KIAA0825: variants seen among roughly 807,000 people sequenced by gnomAD.
KIAA0825 encodes the protein KIAA0825, also known as uncharacterized protein KIAA0825.
In KIAA0825, 119 loss-of-function variants were observed where a neutral mutation model predicts 147.6. The ratio of observed to expected loss-of-function variants is 0.81; its 90% confidence interval spans 0.69 to 0.94. The LOEUF (loss-of-function observed/expected upper bound fraction) is 0.94, where lower values mean the gene tolerates loss of function less well. Among genes scored for constraint, KIAA0825 ranks in the 40% least tolerant of loss-of-function variants. The pLI is 0.00. For synonymous variants in KIAA0825, 470 were observed against 518.1 expected (o/e 0.91, Z 1.26); for missense variants, 1,381 against 1,472.7 (o/e 0.94, Z 1.02).
In KIAA0825 at chr5:94,520,242, A is replaced by T. The variant is rs1330893043; in HGVS notation, c.970+6T>A. 1 of 1,573,566 alleles carries T rather than the reference A, an allele frequency of 6.4e-7. No individual in the cohort carries two copies. The highest frequency in any genetic ancestry group is 2.0e-5 in the Admixed American group (1 of 50,784). ...AAACCAAACAAAAATTTTAAATGTC[A>T]CTAACCCAAAGCATGCACTGCTCCT... On this transcript the variant is annotated splice_donor_region_variant and intron_variant, in intron 5 of 20. Coordinates refer to ENST00000682413, the MANE Select transcript of KIAA0825 (RefSeq NM_001145678.3).
chr5:94,327,623 T>C (rs1304416902), intron 20 of KIAA0825, among the ~76,000 whole-genome samples: 5 of 152,232 alleles, frequency 3.3e-5, no homozygotes, highest in Non-Finnish European at 7.3e-5. Context: ...GTTGGTTCCC[T>C]GTTTTCAACC....
intron 13 of KIAA0825, among the ~76,000 whole-genome samples, chr5:94,446,405 T>G (rs540379719): frequency 1.3e-5 from 2 of 152,204 alleles, no homozygotes; most frequent in East Asian, 3.9e-4. Context: ...CTATTAGAAG[T>G]TGTAGTAAAA....
At chr5:94,554,610 T>G (rs1205304683) in intron 2 of KIAA0825, among the ~76,000 whole-genome samples, 5 of 150,728 alleles carry the variant, frequency 3.3e-5, no homozygotes, top group Non-Finnish European at 7.4e-5. Context: ...TTCAGTGATC[T>G]CATTCATTGA....
intron 5 of KIAA0825, chr5:94,519,353 G>T (rs1015342195): frequency 1.1e-6 from 1 of 894,142 alleles, no homozygotes; most frequent in African/African-American, 1.8e-5. Context: ...TATAGTTTAT[G>T]AACTTATTCA....
intron 1 of KIAA0825, chr5:94,615,628 C>T (rs1790241894): frequency 6.6e-6 from 1 of 152,202 alleles, no homozygotes; most frequent in African/African-American, 2.4e-5. Context: ...CTCTCATCTC[C>T]TGTCTCACAG....
chr5:94,188,755 GGA>G, intron 20 of KIAA0825, among the ~76,000 whole-genome samples: 1 of 152,182 alleles, frequency 6.6e-6, no homozygotes, highest in East Asian at 1.9e-4. Context: ...ATCTTTGCAT[GGA>G]CATGTATTTT....
At chr5:94,576,502 G>A (rs73132669) in intron 2 of KIAA0825, among the ~76,000 whole-genome samples, 9 of 151,972 alleles carry the variant, frequency 5.9e-5, no homozygotes, top group South Asian at 2.1e-4. Context: ...GCTCAGCCAC[G>A]TCACCATGTG....
intron 2 of KIAA0825, among the ~76,000 whole-genome samples, chr5:94,572,356 T>C (rs1396311767): frequency 6.6e-6 from 1 of 152,174 alleles, no homozygotes; most frequent in Admixed American, 6.6e-5. Context: ...TTGAAAAATA[T>C]GTTTTACCTT....
intron 20 of KIAA0825, among the ~76,000 whole-genome samples, chr5:94,216,269 T>G (rs1180265922): frequency 2.0e-5 from 3 of 152,130 alleles, no homozygotes; most frequent in African/African-American, 4.8e-5. Flanking sequence ...TAAAGCAGTG[T>G]TCAAGGAAGA....
At chr5:94,558,578 A>G (rs1359896123) in intron 2 of KIAA0825, among the ~76,000 whole-genome samples, 2 of 152,224 alleles carry the variant, frequency 1.3e-5, no homozygotes, top group Non-Finnish European at 2.9e-5. Flanking sequence ...TGTTAAATTA[A>G]TAAATATTTT....
chr5:94,344,042 T>C (rs1322834908), intron 20 of KIAA0825, among the ~76,000 whole-genome samples: 1 of 152,124 alleles, frequency 6.6e-6, no homozygotes, highest in Non-Finnish European at 1.5e-5. Flanking sequence ...CTTTGGAAAA[T>C]AGCTTGGCAC....
intron 6 of KIAA0825, among the ~76,000 whole-genome samples, chr5:94,480,234 A>G (rs1175143434): frequency 6.6e-6 from 1 of 152,108 alleles, no homozygotes; most frequent in East Asian, 1.9e-4. Context: ...ACATGCACCA[A>G]TGGAAAACTA....
chr5:94,269,926 AG>A (rs1472998065), intron 20 of KIAA0825, among the ~76,000 whole-genome samples: 3 of 152,104 alleles, frequency 2.0e-5, no homozygotes, highest in Non-Finnish European at 4.4e-5. Context: ...GAAAAAAAGA[AG>A]ACCCAAATAA....
In KIAA0825 at chr5:94,477,170, C is replaced by T; in HGVS notation, c.1168G>A (p.Glu390Lys). The change falls in exon 7 of 21, where the codon GAA becomes AAA. Residue 390 changes from glutamate to lysine, a missense_variant. By Grantham distance (56) the Glu-to-Lys change is moderately conservative (BLOSUM62 1). Transcript: ENST00000682413. ...TTGGTTTCGTTTGCTCTAGGTTTTT[C>T]CATTACAACCTCTCTATCGGATTTC... ...LEKSDREVVM[E>K]KPRANETNIP... The T allele has an allele frequency of 6.5e-7, 1 of 1,549,978 alleles. No individual in the cohort carries two copies. Among genetic ancestry groups the T allele is most frequent in the East Asian group, 2.5e-5 (1 of 40,788 alleles).
chr5:94,359,608 A>G (rs1013860903), intron 20 of KIAA0825, among the ~76,000 whole-genome samples: 1 of 152,194 alleles, frequency 6.6e-6, no homozygotes, highest in African/African-American at 2.4e-5. Context: ...AAATAAAAAT[A>G]AAATAAATAA....
At chr5:94,455,712 A>G (rs916871852) in intron 12 of KIAA0825, among the ~76,000 whole-genome samples, 1 of 152,138 alleles carries the variant, frequency 6.6e-6, no homozygotes, top group African/African-American at 2.4e-5. Flanking sequence ...GAGTGGAGAG[A>G]AGAATAATTA....
At chr5:94,518,130 G>GAC (rs1767554903) in intron 5 of KIAA0825, among the ~76,000 whole-genome samples, 1 of 152,128 alleles carries the variant, frequency 6.6e-6, no homozygotes. Context: ...TGAGCATAAA[G>GAC]ATACAGACAT....
chr5:94,386,821 A>G (rs541776921), intron 18 of KIAA0825, among the ~76,000 whole-genome samples: 2 of 152,324 alleles, frequency 1.3e-5, no homozygotes, highest in African/African-American at 4.8e-5. Context: ...CTCCTGGCTC[A>G]GCAGAGCACT....
chr5:94,466,598 G>A lies in KIAA0825; in HGVS notation c.1873-1539C>T, dbSNP rs143816713. Among the ~76,000 whole-genome samples the A allele has an allele frequency of 4.5e-3, 684 of 151,860 alleles. 5 individuals carry two copies. Among genetic ancestry groups the A allele is most frequent in the African/African-American group, 0.016 (652 of 41,440 alleles). ...CTAAAAATACAAAAATTAGCTGGGC[G>A]TGGTGGCAGGCGCCTGTAGTCCCAG... On this transcript the variant is annotated intron_variant, in intron 10 of 20. Coordinates refer to ENST00000682413, the MANE Select transcript of KIAA0825 (RefSeq NM_001145678.3).
Sources: gnomAD v4.1 joint callset for allele counts (sites outside exome capture counted in the v4.1 genomes callset) on GRCh38, gnomAD v4.1.1 for gene constraint, MANE v1.5 for transcripts, NCBI Gene and HGNC (gene_info 2026-07-23, HGNC 2026-07-21) for gene names.